CNTNAP5: variants seen among roughly 807,000 people sequenced by gnomAD.
CNTNAP5 encodes the protein contactin-associated protein-like 5.
Under a neutral mutation model 150.2 loss-of-function variants are expected in CNTNAP5, and 72 were observed. The ratio of observed to expected loss-of-function variants is 0.48; its 90% CI spans 0.40 to 0.58. The LOEUF (loss-of-function observed/expected upper bound fraction) is 0.58, where lower values mean the gene tolerates loss of function less well. Ranked by LOEUF, CNTNAP5 falls within the 20% of genes least tolerant of loss-of-function variation. The pLI, the probability that CNTNAP5 is intolerant of heterozygous loss-of-function variation, is 0.00. For synonymous variants in CNTNAP5, 672 were observed against 619.8 expected (o/e 1.08, Z -1.25); for missense variants, 1,636 against 1,626.2 (o/e 1.01, Z -0.10).
chr2:124,302,039 T>A (rs1011323773), intron 3 of CNTNAP5, among the ~76,000 whole-genome samples: 1 of 152,172 alleles, frequency 6.6e-6, no homozygotes, highest in Non-Finnish European at 1.5e-5. Flanking sequence ...TAAGATGGCA[T>A]ACACAGAGGA....
intron 3 of CNTNAP5, among the ~76,000 whole-genome samples, chr2:124,347,349 A>G (rs1194788210): frequency 6.6e-6 from 1 of 152,134 alleles, no homozygotes; most frequent in Non-Finnish European, 1.5e-5. Context: ...AGCGTGACAG[A>G]GTCTGGGAGA....
At chr2:124,813,722 A>G (rs1012963935) in intron 19 of CNTNAP5, among the ~76,000 whole-genome samples, 3 of 151,724 alleles carry the variant, frequency 2.0e-5, no homozygotes, top group Non-Finnish European at 4.4e-5. Flanking sequence ...CAAAATGTCC[A>G]TGTCAGAAAC....
chr2:124,323,178 G>T (rs563987786), intron 3 of CNTNAP5, among the ~76,000 whole-genome samples: 1 of 152,300 alleles, frequency 6.6e-6, no homozygotes, highest in Non-Finnish European at 1.5e-5. Context: ...GTGTGCCCAA[G>T]CGGGTCAGGA....
intron 1 of CNTNAP5, among the ~76,000 whole-genome samples, chr2:124,093,537 T>C (rs1682862351): frequency 6.6e-6 from 1 of 152,224 alleles, no homozygotes; most frequent in African/African-American, 2.4e-5. Flanking sequence ...ATGCTAGATG[T>C]TTCAAGTTTA....
chr2:124,914,021 AG>A, intron 23 of CNTNAP5, 70 bp from the exon 24 acceptor site: 1 of 1,117,172 alleles, frequency 9.0e-7, no homozygotes, highest in Non-Finnish European at 1.3e-6. Context: ...CCTCATCTGG[AG>A]GGAATCCACT....
intron 3 of CNTNAP5, among the ~76,000 whole-genome samples, chr2:124,413,318 T>A (rs1437286704): frequency 6.6e-6 from 1 of 151,448 alleles, no homozygotes; most frequent in Non-Finnish European, 1.5e-5. Flanking sequence ...TGGAAGTCAT[T>A]GTGGCGATTC....
At chr2:124,218,093 C>A (rs1686207671) in intron 1 of CNTNAP5, among the ~76,000 whole-genome samples, 1 of 151,758 alleles carries the variant, frequency 6.6e-6, no homozygotes, top group African/African-American at 2.4e-5. Flanking sequence ...CTTTAAGAAT[C>A]TGATACATAT....
chr2:124,339,285 T>C (rs1051355454), intron 3 of CNTNAP5, among the ~76,000 whole-genome samples: 2 of 152,144 alleles, frequency 1.3e-5, no homozygotes, highest in African/African-American at 4.8e-5. Flanking sequence ...GGTAGGTCTC[T>C]TGTCAGGGAG....
Position 124,726,307 on chromosome 2 carries a change from T to C in CNTNAP5, c.2078-20922T>C, listed in dbSNP as rs554017530. 6.2e-4 allele frequency among the ~76,000 whole-genome samples: 94 copies of C among 152,254 alleles called. 1 individual carries two copies. Among genetic ancestry groups the C allele is most frequent in the African/African-American group, 2.2e-3 (91 of 41,554 alleles). On this transcript the variant is annotated intron_variant, in intron 13 of 23. Transcript: ENST00000682447. ...AAGAGAAGGACCTGGTAAGAGGTGA[T>C]TGGATCATGGAGGGAGTTTCCCCTA... is the stretch of plus-strand genomic sequence containing the variant.
At chr2:124,194,407 ATAT>A (rs1261277859) in intron 1 of CNTNAP5, among the ~76,000 whole-genome samples, 1 of 5,812 alleles carries the variant, frequency 1.7e-4, no homozygotes, top group African/African-American at 2.3e-4. Flanking sequence ...ATATATATAT[ATAT>A]AAATATAAAT....
intron 1 of CNTNAP5, among the ~76,000 whole-genome samples, chr2:124,075,779 T>TG (rs1250457486): frequency 1.3e-5 from 2 of 152,182 alleles, no homozygotes; most frequent in Non-Finnish European, 2.9e-5. Flanking sequence ...AGAAGTGATG[T>TG]GACTGGCCAC....
At chr2:124,616,180 G>A (rs7578835) in intron 12 of CNTNAP5, among the ~76,000 whole-genome samples, 63,003 of 151,952 alleles carry the variant, frequency 0.41, 13,528 homozygotes, top group East Asian at 0.73. Context: ...AAGCTTTAAA[G>A]ATAGGCATTG....
intron 13 of CNTNAP5, among the ~76,000 whole-genome samples, chr2:124,740,821 T>C (rs1212093001): frequency 6.6e-6 from 1 of 152,158 alleles, no homozygotes; most frequent in Non-Finnish European, 1.5e-5. Flanking sequence ...TCTGGGGCCG[T>C]GGCTGGAGAG....
intron 6 of CNTNAP5, among the ~76,000 whole-genome samples, chr2:124,457,923 G>A (rs779089930): frequency 1.5e-4 from 23 of 151,780 alleles, no homozygotes; most frequent in Admixed American, 6.6e-4. Flanking sequence ...GTAGATGTTG[G>A]CATGGATATG....
At chr2:124,418,481 C>T (rs1346270760) in intron 4 of CNTNAP5, among the ~76,000 whole-genome samples, 1 of 152,140 alleles carries the variant, frequency 6.6e-6, no homozygotes, top group African/African-American at 2.4e-5. Flanking sequence ...CTCACCCCAT[C>T]CCATACATAC....
chr2:124,094,541 A>T (rs1682889799), intron 1 of CNTNAP5, among the ~76,000 whole-genome samples: 1 of 152,208 alleles, frequency 6.6e-6, no homozygotes, highest in Non-Finnish European at 1.5e-5. Context: ...TATAAAATAC[A>T]TTTGTCTAAT....
At chr2:124,710,604 G>A (rs1404601131) in intron 13 of CNTNAP5, among the ~76,000 whole-genome samples, 2 of 152,108 alleles carry the variant, frequency 1.3e-5, no homozygotes, top group Non-Finnish European at 2.9e-5. Context: ...TGGTGCTGAA[G>A]ATATGGCAAT....
At position 124,097,544 on chromosome 2, in the gene CNTNAP5, T is replaced by G. The variant is rs73954531; in HGVS notation, c.82+71812T>G. Among the ~76,000 whole-genome samples the G allele has an allele frequency of 9.6e-3, 1,465 of 152,286 alleles. 23 individuals carry two copies. Among genetic ancestry groups the G allele is most frequent in the African/African-American group, 0.034 (1,401 of 41,564 alleles). On this transcript the variant is annotated intron_variant, in intron 1 of 23. Coordinates refer to ENST00000682447, the MANE Select transcript of CNTNAP5 (RefSeq NM_001367498.1). ...GGAACCAAGCCCCACTGTAAGGACA[T>G]GCTGGCGCCCCAGAGCCTGTGTGGT...
chr2:124,046,433 G>GAGGA (rs376445841), intron 1 of CNTNAP5, among the ~76,000 whole-genome samples: 1 of 134,600 alleles, frequency 7.4e-6, no homozygotes, highest in Non-Finnish European at 1.5e-5. Context: ...ACAAAAGAGA[G>GAGGA]AAAAAAAAAA....
Sources: gnomAD v4.1 joint callset for allele counts (sites outside exome capture counted in the v4.1 genomes callset) on GRCh38, gnomAD v4.1.1 for gene constraint, MANE v1.5 for transcripts, NCBI Gene and HGNC (gene_info 2026-07-23, HGNC 2026-07-21) for gene names.